KIF5C: variants seen among roughly 807,000 people sequenced by gnomAD.
KIF5C encodes kinesin family member 5C, also known as kinesin heavy chain isoform 5C.
Under a neutral mutation model 125.2 loss-of-function variants are expected in KIF5C, and 18 were observed. The observed-to-expected ratio is 0.14, with a 90% CI of 0.10 to 0.21. KIF5C has a LOEUF of 0.21. Among genes scored for constraint, KIF5C ranks in the 10% least tolerant of loss-of-function variants. The pLI is 1.00. For missense variants in KIF5C, 780 were observed against 1,183.8 expected, an observed-to-expected ratio of 0.66 and a Z score of 5.01; for synonymous variants, 405 against 434.0, an observed-to-expected ratio of 0.93 and a Z score of 0.83.
In KIF5C at chr2:149,008,085, G is replaced by GCTCCCCTCTGATTCCCTCCTCT; in HGVS notation, c.2550+23_2550+44dup. On this transcript the variant is annotated intron_variant, in intron 23 of 25. Transcript: ENST00000435030. ...ACAAGCAGGTAGGAGAGTTCTGCCC[G>GCTCCCCTCTGATTCCCTCCTCT]CTCCCCTCTGATTCCCTCCTCTCTC... is the stretch of plus-strand genomic sequence containing the variant. 6.3e-7 allele frequency: 1 copy of GCTCCCCTCTGATTCCCTCCTCT among 1,595,698 alleles called. No individual in the cohort carries two copies. The highest frequency in any genetic ancestry group is 8.6e-7 in the Non-Finnish European group (1 of 1,168,528).
chr2:149,022,470 GA>G lies in KIF5C; in HGVS notation c.*8-598del, dbSNP rs112003256. ...CACCAGATTGCAAACACTATTGTGT[GA>G]AAAAAAAAATCTCAGTAGTAATATT... On this transcript the variant is annotated intron_variant, in intron 25 of 25. Transcript: ENST00000435030. Among the ~76,000 whole-genome samples the G allele has an allele frequency of 1.7e-3, 248 of 148,156 alleles. 2 individuals carry two copies. The highest frequency in any genetic ancestry group is 3.6e-3 in the African/African-American group (147 of 40,414).
intron 15 of KIF5C, among the ~76,000 whole-genome samples, chr2:148,990,260 A>G (rs1558935624): frequency 6.6e-6 from 1 of 152,234 alleles, no homozygotes; most frequent in Non-Finnish European, 1.5e-5. Flanking sequence ...TCATGCGGGA[A>G]TGCTGGCTGT....
At chr2:148,881,825 T>TA (rs1681368182) in intron 1 of KIF5C, among the ~76,000 whole-genome samples, 2 of 151,084 alleles carry the variant, frequency 1.3e-5, no homozygotes, top group South Asian at 4.1e-4. Flanking sequence ...CCTATTTGTT[T>TA]ATGGGGTGAT....
At chr2:148,896,125 G>A (rs147385751) in intron 1 of KIF5C, among the ~76,000 whole-genome samples, 45 of 152,304 alleles carry the variant, frequency 3.0e-4, no homozygotes, top group Non-Finnish European at 5.6e-4. Flanking sequence ...CTGCAAGGGG[G>A]TTGAGAGATG....
At chr2:148,947,200 T>G in intron 8 of KIF5C, 177 bp downstream of exon 8, 1 of 973,266 alleles carries the variant, frequency 1.0e-6, no homozygotes, top group Non-Finnish European at 1.5e-6. Flanking sequence ...TTTCTGGTCC[T>G]GAGGTCTCCT....
intron 7 of KIF5C, among the ~76,000 whole-genome samples, 189 bp from the exon 8 acceptor site, chr2:148,946,710 A>C (rs1682527806): frequency 6.6e-6 from 1 of 152,198 alleles, no homozygotes; most frequent in Admixed American, 6.5e-5. Flanking sequence ...AGACATTTAA[A>C]ATCTTGTATT....
At chr2:148,942,567 T>G (rs962001874) in intron 6 of KIF5C, 106 bp from the exon 7 acceptor site, 8 of 1,511,922 alleles carry the variant, frequency 5.3e-6, no homozygotes, top group Admixed American at 2.0e-5. Flanking sequence ...TCAGCCTTTC[T>G]ATTTATCTGC....
intron 4 of KIF5C, among the ~76,000 whole-genome samples, chr2:148,939,784 G>C (rs1682367595): frequency 1.3e-5 from 2 of 152,188 alleles, no homozygotes; most frequent in African/African-American, 4.8e-5. Context: ...TCGAAAATCT[G>C]CTCCTTAAAT....
At chr2:148,980,547 C>T (rs1681202548) in intron 13 of KIF5C, among the ~76,000 whole-genome samples, 2 of 151,956 alleles carry the variant, frequency 1.3e-5, no homozygotes, top group African/African-American at 4.8e-5. Context: ...GGTGACTGAC[C>T]ACTGTTGTAT....
chr2:148,981,622 G>A, intron 14 of KIF5C, 61 bp downstream of exon 14: 1 of 1,498,540 alleles, frequency 6.7e-7, no homozygotes, highest in Non-Finnish European at 8.9e-7. Context: ...TACTCATATT[G>A]ATATTCATTG....
intron 17 of KIF5C, among the ~76,000 whole-genome samples, chr2:148,996,390 G>A (rs1681674469): frequency 6.6e-6 from 1 of 152,208 alleles, no homozygotes; most frequent in African/African-American, 2.4e-5. Flanking sequence ...GGTAACACAT[G>A]GCATGTTAGG....
chr2:148,899,896 G>A (rs1195925792), intron 1 of KIF5C, among the ~76,000 whole-genome samples: 2 of 152,006 alleles, frequency 1.3e-5, no homozygotes, highest in Admixed American at 6.5e-5. Flanking sequence ...TGAATGTAGG[G>A]TATGCCTGGG....
At chr2:148,919,545 T>C (rs991035301) in intron 1 of KIF5C, among the ~76,000 whole-genome samples, 5 of 152,228 alleles carry the variant, frequency 3.3e-5, no homozygotes, top group Non-Finnish European at 7.3e-5. Context: ...TCTTGCCTCC[T>C]TGGGGGCTAC....
rs761630242 is a variant in KIF5C at position 148,973,405 on chromosome 2, C to A, written c.1187C>A (p.Thr396Asn). Residue 396 changes from threonine to asparagine, a missense_variant, in exon 12 of 26, where the codon ACC becomes AAC. Around this residue, in one of 2 missense-constraint regions of KIF5C, gnomAD observed 573 missense variants for 742.6 expected, o/e 0.77. Coordinates refer to ENST00000435030, the MANE Select transcript of KIF5C (RefSeq NM_004522.3). ...AAGAACCTGGAGCCTTGTGATAACA[C>A]CCCCATCATAGACAATATTGCTCCT... ...DQKNLEPCDN[T>N]PIIDNIAPVV... 12 of 1,613,756 alleles carry A rather than the reference C, an allele frequency of 7.4e-6. No individual in the cohort carries two copies. The highest frequency in any genetic ancestry group is 3.3e-5 in the South Asian group (3 of 91,048).
chr2:148,925,518 T>C (rs958824138), intron 2 of KIF5C, among the ~76,000 whole-genome samples: 9 of 152,210 alleles, frequency 5.9e-5, no homozygotes, highest in Non-Finnish European at 1.2e-4. Context: ...ATTTTCCTCA[T>C]TGTACAGAAG....
intron 3 of KIF5C, among the ~76,000 whole-genome samples, chr2:148,930,151 G>C (rs986437248): frequency 4.6e-5 from 7 of 152,164 alleles, no homozygotes; most frequent in Admixed American, 4.6e-4. Context: ...GCACACTGGG[G>C]TGAAGACGAA....
intron 7 of KIF5C, among the ~76,000 whole-genome samples, chr2:148,946,227 T>C (rs1375407660): frequency 6.6e-6 from 1 of 152,224 alleles, no homozygotes; most frequent in African/African-American, 2.4e-5. Context: ...TTTTTACATA[T>C]AATCTGGTAA....
At chr2:148,934,695 T>A (rs1457548052) in intron 3 of KIF5C, among the ~76,000 whole-genome samples, 2 of 151,468 alleles carry the variant, frequency 1.3e-5, no homozygotes, top group African/African-American at 4.9e-5. Context: ...ACTTCCTACA[T>A]TCACGCTATA....
intron 3 of KIF5C, among the ~76,000 whole-genome samples, chr2:148,933,559 GCA>G (rs1261588021): frequency 2.9e-5 from 4 of 137,576 alleles, no homozygotes; most frequent in African/African-American, 8.4e-5. Flanking sequence ...CATTGTACAT[GCA>G]CACAGACATA....
Sources: gnomAD v4.1 joint callset for allele counts (sites outside exome capture counted in the v4.1 genomes callset) on GRCh38, gnomAD v4.1.1 for gene constraint, gnomAD v4.1.1 regional missense constraint, MANE v1.5 for transcripts, NCBI Gene and HGNC (gene_info 2026-07-23, HGNC 2026-07-21) for gene names.